The following LRRC4C variants were observed in gnomAD, a reference collection of about 807,000 sequenced individuals.
The protein encoded by LRRC4C is leucine rich repeat containing 4C, also known as leucine-rich repeat-containing protein 4C.
In LRRC4C, 5 loss-of-function variants were observed where a neutral mutation model predicts 33.6. The observed-to-expected ratio is 0.15, with a 90% confidence interval of 0.08 to 0.31. LRRC4C has a LOEUF of 0.31. Ranked by LOEUF, LRRC4C falls within the 10% of genes least tolerant of loss-of-function variation. LRRC4C has a pLI of 1.00. For synonymous variants in LRRC4C, 329 were observed against 302.0 expected, an observed-to-expected ratio of 1.09 and a Z score of -0.93; for missense variants, 560 against 796.7, an observed-to-expected ratio of 0.70 and a Z score of 3.58.
rs563280065 is a variant in LRRC4C at position 40,898,915 on chromosome 11, C to T, written c.-407+34720G>A. ...GCTACTTGGTATCTGCAGAAGATTCCCGAAAGAACTAGCTCATCCTATTTC... is the reference window on the plus strand; with the variant it reads ...GCTACTTGGTATCTGCAGAAGATTCTCGAAAGAACTAGCTCATCCTATTTC... On this transcript the variant is annotated intron_variant, in intron 2 of 6. Coordinates refer to ENST00000528697, the MANE Select transcript of LRRC4C (RefSeq NM_001258419.2). 5.9e-5 allele frequency among the ~76,000 whole-genome samples: 9 copies of T among 152,100 alleles called. No homozygotes were observed. In the South Asian group the frequency reaches 1.0e-3, roughly 18 times the overall value.
chr11:40,300,198 AC>A (rs1314101180), intron 4 of LRRC4C, among the ~76,000 whole-genome samples: 2 of 152,104 alleles, frequency 1.3e-5, no homozygotes, highest in African/African-American at 4.8e-5. Flanking sequence ...GAGGTGCTAA[AC>A]CATTCATGAG....
At chr11:40,520,516 A>G (rs981437633) in intron 3 of LRRC4C, among the ~76,000 whole-genome samples, 1 of 152,206 alleles carries the variant, frequency 6.6e-6, no homozygotes, top group African/African-American at 2.4e-5. Flanking sequence ...AGATTGGGGA[A>G]CAACTGTTTG....
chr11:40,548,815 C>A (rs536523649), intron 3 of LRRC4C, among the ~76,000 whole-genome samples: 1 of 152,140 alleles, frequency 6.6e-6, no homozygotes, highest in South Asian at 2.1e-4. Context: ...ATAAGAAAAA[C>A]GTGAGTAGGC....
intron 2 of LRRC4C, among the ~76,000 whole-genome samples, chr11:40,680,629 C>T (rs1944640660): frequency 6.6e-6 from 1 of 152,172 alleles, no homozygotes; most frequent in South Asian, 2.1e-4. Context: ...TGTTTGCCTG[C>T]TGCCATTCAC....
At chr11:41,182,314 T>C (rs1945488315) in intron 1 of LRRC4C, among the ~76,000 whole-genome samples, 1 of 152,112 alleles carries the variant, frequency 6.6e-6, no homozygotes, top group African/African-American at 2.4e-5. Flanking sequence ...CCTGAAACCA[T>C]AAGAATCTAC....
rs574974218 is a variant in LRRC4C at position 40,145,232 on chromosome 11, A to G, written c.-95-4379T>C. Among the ~76,000 whole-genome samples the G allele has an allele frequency of 1.6e-4, 25 of 152,318 alleles. No individual in the cohort carries two copies. In the South Asian group the frequency reaches 3.9e-3, roughly 24 times the overall value. On this transcript the variant is annotated intron_variant, in intron 5 of 6. Transcript: ENST00000528697. Reference sequence around the variant, plus strand: ...TCCCAAAATTTAAACTATATAATCAATTAGCATGATTACAGAGAATCTCAT... The same window carrying G: ...TCCCAAAATTTAAACTATATAATCAGTTAGCATGATTACAGAGAATCTCAT...
intron 2 of LRRC4C, among the ~76,000 whole-genome samples, chr11:40,862,210 T>C (rs892986851): frequency 6.6e-6 from 1 of 152,230 alleles, no homozygotes; most frequent in South Asian, 2.1e-4. Context: ...CTATAGTATA[T>C]TACTAAGTTA....
intron 2 of LRRC4C, among the ~76,000 whole-genome samples, chr11:40,917,500 G>A (rs1457116092): frequency 2.0e-5 from 3 of 151,914 alleles, no homozygotes; most frequent in African/African-American, 7.2e-5. Flanking sequence ...AAGAACCTAG[G>A]GGCACTTAAA....
chr11:41,386,635 T>A (rs1953371536), intron 1 of LRRC4C, among the ~76,000 whole-genome samples: 2 of 151,938 alleles, frequency 1.3e-5, no homozygotes, highest in Middle Eastern at 3.4e-3. Flanking sequence ...GTGCCTACCA[T>A]GTGCTAGTCT....
chr11:40,738,684 A>T (rs953763934), intron 2 of LRRC4C, among the ~76,000 whole-genome samples: 1 of 152,166 alleles, frequency 6.6e-6, no homozygotes, highest in African/African-American at 2.4e-5. Flanking sequence ...ATTTATCTTC[A>T]CATATACAGA....
chr11:41,066,418 A>G (rs1481182712), intron 1 of LRRC4C, among the ~76,000 whole-genome samples: 6 of 152,196 alleles, frequency 3.9e-5, no homozygotes, highest in African/African-American at 1.4e-4. Context: ...GGGATTATGT[A>G]AAAAGACCGA....
At chr11:40,634,352 T>C (rs1963764989) in intron 3 of LRRC4C, among the ~76,000 whole-genome samples, 1 of 152,182 alleles carries the variant, frequency 6.6e-6, no homozygotes, top group Non-Finnish European at 1.5e-5. Flanking sequence ...ATGTGGTATA[T>C]ATGTCAAATA....
intron 3 of LRRC4C, among the ~76,000 whole-genome samples, chr11:40,595,083 C>T (rs554669642): frequency 3.3e-5 from 5 of 151,986 alleles, no homozygotes; most frequent in South Asian, 2.1e-4. Context: ...ATGAGCCTTA[C>T]ACAATTTGAT....
chr11:40,247,084 T>C (rs114123994), intron 4 of LRRC4C, among the ~76,000 whole-genome samples: 2,061 of 151,950 alleles, frequency 0.014, 42 homozygotes, highest in African/African-American at 0.047. Context: ...TCTTACCCAC[T>C]CAGAGCCTGT....
At chr11:40,538,184 C>T (rs1956554328) in intron 3 of LRRC4C, among the ~76,000 whole-genome samples, 1 of 152,094 alleles carries the variant, frequency 6.6e-6, no homozygotes. Context: ...GTGATTCTAA[C>T]ATGCAACCAA....
chr11:40,937,275 A>G (rs1405719667), intron 1 of LRRC4C, among the ~76,000 whole-genome samples: 1 of 149,578 alleles, frequency 6.7e-6, no homozygotes, highest in African/African-American at 2.5e-5. Context: ...GAGCACATAG[A>G]GACAAAAATG....
At chr11:40,190,506 T>C (rs1565111502) in intron 5 of LRRC4C, among the ~76,000 whole-genome samples, 1 of 152,216 alleles carries the variant, frequency 6.6e-6, no homozygotes, top group African/African-American at 2.4e-5. Context: ...GGCACACAGC[T>C]GCACTGCTGA....
chr11:40,245,321 A>G lies in LRRC4C; in HGVS notation c.-175-3723T>C, dbSNP rs1333030617. 2.6e-5 allele frequency among the ~76,000 whole-genome samples: 4 copies of G among 152,212 alleles called. No homozygotes were observed. In the East Asian group the frequency reaches 7.7e-4, roughly 29 times the overall value. The stretch of plus-strand genomic sequence containing the variant: ...ATTTGCATATGTTACTATATTATTT[A>G]TAAATAAATGCCATTTTTCTCAGCT... On this transcript the variant is annotated intron_variant, in intron 4 of 6. Transcript: ENST00000528697.
At chr11:40,171,680 T>C (rs1240589422) in intron 5 of LRRC4C, among the ~76,000 whole-genome samples, 2 of 152,098 alleles carry the variant, frequency 1.3e-5, no homozygotes, top group Non-Finnish European at 2.9e-5. Context: ...CAGAAGGAGC[T>C]TGTGCTTAAT....
Sources: allele counts gnomAD v4.1 joint callset (sites outside exome capture counted in the v4.1 genomes callset), GRCh38; gene constraint gnomAD v4.1.1; transcripts MANE v1.5; gene names NCBI Gene and HGNC (gene_info 2026-07-23, HGNC 2026-07-21).